The following COL12A1 variants were observed in gnomAD, a reference collection of about 807,000 sequenced individuals.
COL12A1 encodes the protein collagen type XII alpha 1 chain, also known as collagen alpha-1(XII) chain.
Under a neutral mutation model 349.7 loss-of-function variants are expected in COL12A1, and 114 were observed. That is an observed-to-expected ratio of 0.33 (90% confidence interval 0.28 to 0.38). The LOEUF (loss-of-function observed/expected upper bound fraction) is 0.38, where lower values mean the gene tolerates loss of function less well. Among genes scored for constraint, COL12A1 ranks in the 10% least tolerant of loss-of-function variants. The probability of loss-of-function intolerance (pLI) is 1.00; values close to 1 mark genes in which losing one functional copy is unlikely to be tolerated. For synonymous variants in COL12A1, 1,369 were observed against 1,329.0 expected, an observed-to-expected ratio of 1.03 and a Z score of -0.66; for missense variants, 3,284 against 3,756.9, an observed-to-expected ratio of 0.87 and a Z score of 3.29.
In COL12A1 at chr6:75,184,070, G is replaced by A; in HGVS notation, c.1072C>T (p.Pro358Ser). The change falls in exon 9 of 66, where the codon CCT becomes TCT. Residue 358 changes from proline to serine, a missense_variant. Transcript: ENST00000322507. ...KYVKLNWNPSPSPVTGYKVIL... is the reference protein window; with the variant it reads ...KYVKLNWNPSSSPVTGYKVIL... Reference sequence around the variant, plus strand: ...ACTTTGTAGCCAGTCACTGGACTAGGAGATGGATTCCAATTTAGCTTAACA... The same window carrying A: ...ACTTTGTAGCCAGTCACTGGACTAGAAGATGGATTCCAATTTAGCTTAACA... The A allele has an allele frequency of 1.2e-6, 2 of 1,614,146 alleles. No homozygotes were observed. Among genetic ancestry groups the A allele is most frequent in the Admixed American group, 1.7e-5 (1 of 60,016 alleles).
At chr6:75,102,105 A>G in intron 56 of COL12A1, 53 bp from the exon 57 acceptor site, 1 of 1,547,176 alleles carries the variant, frequency 6.5e-7, no homozygotes, top group Non-Finnish European at 8.9e-7. Flanking sequence ...AGATTAAGCA[A>G]AAAAGGAAGA....
rs138958972 is a variant in COL12A1 at position 75,167,969 on chromosome 6, C to A, written c.2711-2190G>T. Among the ~76,000 whole-genome samples, 108 of 152,252 alleles carry A rather than the reference C, an allele frequency of 7.1e-4. 1 individual carries two copies. The highest frequency in any genetic ancestry group is 2.6e-3 in the African/African-American group (106 of 41,544). On this transcript the variant is annotated intron_variant, in intron 13 of 65. Coordinates refer to ENST00000322507, the MANE Select transcript of COL12A1 (RefSeq NM_004370.6). ...GCATGACAACACTATTTTGAGTGAA[C>A]ACTGAGTAAGTTCTCAATCTCAGAA... is the stretch of plus-strand genomic sequence containing the variant.
Position 75,119,459 on chromosome 6 carries a change from T to C in COL12A1, c.7101A>G (p.Gln2367=). The change falls in exon 45 of 66, where the codon CAA becomes CAG. Residue 2367 remains glutamine (Q), a synonymous_variant. Transcript: ENST00000322507. ...ACTCAGACTTGACCTCATCGCTGTA[T>C]TGCACAAATGAAACCTGAAGGAAAA... ...SPAGIQVSFV[Q]YSDEVKSEFK... 1.2e-6 allele frequency: 2 copies of C among 1,611,004 alleles called. No individual in the cohort carries two copies. The highest frequency in any genetic ancestry group is 2.2e-5 in the East Asian group (1 of 44,838).
intron 14 of COL12A1, among the ~76,000 whole-genome samples, chr6:75,164,959 T>C (rs2149437629): frequency 6.6e-6 from 1 of 152,098 alleles, no homozygotes; most frequent in African/African-American, 2.4e-5. Context: ...AAATAAAAAA[T>C]TAAAAAACTA....
intron 40 of COL12A1, 44 bp from the exon 41 acceptor site, chr6:75,124,415 C>A: frequency 1.4e-6 from 2 of 1,402,824 alleles, no homozygotes; most frequent in Non-Finnish European, 9.8e-7. Context: ...TAAATTGAGG[C>A]AAAAAGTGTA....
chr6:75,151,873 C>T lies in COL12A1; in HGVS notation c.3994G>A (p.Ala1332Thr). The T allele has an allele frequency of 1.2e-6, 2 of 1,613,518 alleles. No homozygotes were observed. The highest frequency in any genetic ancestry group is 2.2e-5 in the South Asian group (2 of 91,056). The change falls in exon 20 of 66, where the codon GCT becomes ACT. Residue 1332 changes from alanine (A) to threonine (T), a missense_variant. Physicochemically the swap from Ala to Thr is moderately conservative, Grantham distance 58. Coordinates refer to ENST00000322507, the MANE Select transcript of COL12A1 (RefSeq NM_004370.6). ...TGTCCTTTTCAGTGCGTACCAATAG[C>T]AAACAGCTCCACTCCCTCATCCTTG... ...KLKDEGVELF[A>T]IGIKNADEVE... is the part of the protein sequence containing the mutation.
intron 51 of COL12A1, among the ~76,000 whole-genome samples, chr6:75,109,984 A>G (rs1171478451): frequency 6.6e-6 from 1 of 152,102 alleles, no homozygotes; most frequent in East Asian, 1.9e-4. Context: ...AAATGCTCTC[A>G]GTCAGTAAGC....
rs1767435225 is a variant in COL12A1 at position 75,085,326 on chromosome 6, C to T, written c.*1221G>A. 2 of 471,000 alleles carry T rather than the reference C, an allele frequency of 4.2e-6. No homozygotes were observed. Among genetic ancestry groups the T allele is most frequent in the Non-Finnish European group, 4.4e-6 (1 of 227,056 alleles). 29.2% of individuals were successfully genotyped at this position (471,000 alleles called of 1,614,324 possible). The stretch of plus-strand genomic sequence containing the variant: ...CTCCACCGGCACGATGAAGGGCTCG[C>T]GCTCAGGCAGGTAGGCCCCGCCCTC... On this transcript the variant is annotated 3_prime_UTR_variant, in exon 66 of 66. Coordinates refer to ENST00000322507, the MANE Select transcript of COL12A1 (RefSeq NM_004370.6).
rs1356178155 is a variant in COL12A1, at chr6:75,183,073, T to C, written c.1868A>G (p.Glu623Gly). The C allele has an allele frequency of 6.2e-7, 1 of 1,609,468 alleles. No homozygotes were observed. The highest frequency in any genetic ancestry group is 8.5e-7 in the Non-Finnish European group (1 of 1,178,460). Residue 623 changes from glutamate (E) to glycine (G), a missense_variant, in exon 10 of 66, where the codon GAA becomes GGA. Around this residue, in one of 2 missense-constraint regions of COL12A1, gnomAD observed 2,601 missense variants for 2,824.8 expected, o/e 0.92. Transcript: ENST00000322507. ...TQSICLRIEQELAAIKKKAYV... is the reference protein window; with the variant it reads ...TQSICLRIEQGLAAIKKKAYV... ...ACCTTTCTTCTTTATAGCTGCCAAT[T>C]CTTGCTCAATTCTAAGGCAGATAGA...
intron 59 of COL12A1, 92 bp downstream of exon 59, chr6:75,097,161 A>C: frequency 9.9e-7 from 1 of 1,010,004 alleles, no homozygotes. Context: ...TCCACAGCAC[A>C]GATGGAATGT....
Position 75,152,482 on chromosome 6 carries a change from C to T in COL12A1, c.3566G>A (p.Gly1189Glu), listed in dbSNP as rs990441297. Residue 1189 changes from glycine (G) to glutamate (E), a missense_variant and splice_region_variant, in exon 18 of 66, where the codon GGG becomes GAG. Physicochemically the swap from Gly to Glu is moderately conservative, Grantham distance 98. Transcript: ENST00000322507. ...CTCAGCTCTGGTGAGACACTCCATC[C>T]CTGACATGGCAATCATGAGACAAGA... Reference protein sequence around the residue: ...DTTVMPILSSGMECLTRAEAD... With the variant: ...DTTVMPILSSEMECLTRAEAD... The T allele has an allele frequency of 1.9e-6, 3 of 1,613,136 alleles. No individual in the cohort carries two copies. Among genetic ancestry groups the T allele is most frequent in the African/African-American group, 1.3e-5 (1 of 74,856 alleles).
At chr6:75,125,453 A>G (rs1017149082) in intron 39 of COL12A1, among the ~76,000 whole-genome samples, 180 bp from the exon 40 acceptor site, 12 of 152,154 alleles carry the variant, frequency 7.9e-5, no homozygotes, top group African/African-American at 2.9e-4. Flanking sequence ...GTAAGCAGAC[A>G]CTGAATCCTT....
intron 11 of COL12A1, among the ~76,000 whole-genome samples, chr6:75,179,477 G>A (rs2149459632): frequency 6.7e-6 from 1 of 150,366 alleles, no homozygotes; most frequent in Middle Eastern, 3.4e-3. Context: ...GTCATAAGAT[G>A]AAAGGACTTC....
rs1321003013 is a variant in COL12A1 at position 75,089,122 on chromosome 6, C to T, written c.8994G>A (p.Gly2998=). The stretch of plus-strand genomic sequence containing the variant: ...CAAACCTACCTGGGGGGCCAGGCAG[C>T]CCCCGAGGTCCTGAAGATCCAGTAC... ...ERGTGSSGPR[G]LPGPPGPQGE... Residue 2998 remains glycine (G), a synonymous_variant, in exon 64 of 66, where the codon GGG becomes GGA. Coordinates refer to ENST00000322507, the MANE Select transcript of COL12A1 (RefSeq NM_004370.6). 19 of 1,610,412 alleles carry T rather than the reference C, an allele frequency of 1.2e-5. No homozygotes were observed. The highest frequency in any genetic ancestry group is 1.6e-5 in the Non-Finnish European group (19 of 1,178,640).
rs139818396 is a variant in COL12A1 at position 75,106,008 on chromosome 6, A to G, written c.8178+411T>C. Among the ~76,000 whole-genome samples, 127 of 152,320 alleles carry G rather than the reference A, an allele frequency of 8.3e-4. 1 individual carries two copies. In the East Asian group the frequency reaches 0.021, roughly 25 times the overall value. ...CAACTTTGTAACTATTACCACCTAC[A>G]TAGATACTATTAAAGAAAAGTCATC... On this transcript the variant is annotated intron_variant, in intron 53 of 65. Transcript: ENST00000322507.
Position 75,091,394 on chromosome 6 carries a change from T to G in COL12A1, c.8686-5A>C, listed in dbSNP as rs749754621. On this transcript the variant is annotated splice_polypyrimidine_tract_variant and splice_region_variant and intron_variant, in intron 61 of 65. Coordinates refer to ENST00000322507, the MANE Select transcript of COL12A1 (RefSeq NM_004370.6). ...GTTCTGGGAAGCAATGTCTCCCTTG[T>G]TGAATTAATGAGAATGATTAGCATA... 2 of 1,613,644 alleles carry G rather than the reference T, an allele frequency of 1.2e-6. No homozygotes were observed. Among genetic ancestry groups the G allele is most frequent in the Admixed American group, 3.3e-5 (2 of 60,008 alleles).
chr6:75,143,458 C>A, intron 25 of COL12A1, 70 bp from the exon 26 acceptor site: 1 of 1,542,158 alleles, frequency 6.5e-7, no homozygotes, highest in Non-Finnish European at 8.7e-7. Flanking sequence ...TCCATGCAAG[C>A]TTTCAAGAAG....
At position 75,167,367 on chromosome 6, in the gene COL12A1, T is replaced by G. The variant is rs1768364976; in HGVS notation, c.2711-1588A>C. Among the ~76,000 whole-genome samples the G allele has an allele frequency of 6.6e-5, 10 of 152,186 alleles. No homozygotes were observed. In the South Asian group the frequency reaches 2.1e-3, roughly 31 times the overall value. The stretch of plus-strand genomic sequence containing the variant: ...GCCTTTTCCTCTAAATTTCCTAGAT[T>G]GCAGTCAGGAACAGCTGTTGTGAAA... On this transcript the variant is annotated intron_variant, in intron 13 of 65. Transcript: ENST00000322507.
chr6:75,135,411 C>A (rs1264108079), intron 31 of COL12A1, among the ~76,000 whole-genome samples: 4 of 152,166 alleles, frequency 2.6e-5, no homozygotes, highest in African/African-American at 9.7e-5. Flanking sequence ...AGGCCACACT[C>A]AATCAGGGGT....
Sources: gnomAD v4.1 joint callset for allele counts (sites outside exome capture counted in the v4.1 genomes callset) on GRCh38, gnomAD v4.1.1 for gene constraint, gnomAD v4.1.1 regional missense constraint, MANE v1.5 for transcripts, NCBI Gene and HGNC (gene_info 2026-07-23, HGNC 2026-07-21) for gene names.